Variants in ATAD2B observed in about 807,000 individuals in gnomAD.
ATAD2B encodes ATPase family AAA domain containing 2B.
A neutral mutation model predicts 167.6 loss-of-function variants in ATAD2B; 40 were observed. The ratio of observed to expected loss-of-function variants is 0.24; its 90% CI spans 0.19 to 0.31. The LOEUF (loss-of-function observed/expected upper bound fraction) is 0.31, where lower values mean the gene tolerates loss of function less well. ATAD2B is among the 10% of genes least tolerant of loss of function. ATAD2B has a pLI of 1.00. For synonymous variants in ATAD2B, 579 were observed against 596.5 expected, an observed-to-expected ratio of 0.97 and a Z score of 0.43; for missense variants, 1,242 against 1,757.2, an observed-to-expected ratio of 0.71 and a Z score of 5.24.
At chr2:23,917,543 A>G (rs1203987970) in intron 1 of ATAD2B, among the ~76,000 whole-genome samples, 1 of 152,188 alleles carries the variant, frequency 6.6e-6, no homozygotes, top group Non-Finnish European at 1.5e-5. Flanking sequence ...GAAAGATAGT[A>G]GCACAAGTAT....
chr2:23,856,860 T>TAA (rs564276733), intron 13 of ATAD2B, among the ~76,000 whole-genome samples: 2 of 143,854 alleles, frequency 1.4e-5, no homozygotes, highest in Admixed American at 7.0e-5. Flanking sequence ...ACTCTGACTC[T>TAA]AAAAAAAAAA....
At chr2:23,812,718 C>T (rs1167954876) in intron 17 of ATAD2B, among the ~76,000 whole-genome samples, 2 of 152,004 alleles carry the variant, frequency 1.3e-5, no homozygotes, top group Non-Finnish European at 2.9e-5. Flanking sequence ...AAAAAATTAG[C>T]TGGGCGTGGT....
intron 9 of ATAD2B, among the ~76,000 whole-genome samples, chr2:23,868,743 A>G (rs1188567567): frequency 2.6e-5 from 4 of 152,120 alleles, no homozygotes; most frequent in Non-Finnish European, 5.9e-5. Flanking sequence ...TCTATACTAC[A>G]TTATTTAACA....
chr2:23,914,817 T>C (rs907868032), intron 1 of ATAD2B, among the ~76,000 whole-genome samples: 4 of 146,570 alleles, frequency 2.7e-5, no homozygotes, highest in Admixed American at 2.1e-4. Flanking sequence ...CACTCCAGCC[T>C]GGGCAACAGC....
intron 15 of ATAD2B, among the ~76,000 whole-genome samples, chr2:23,823,894 T>C (rs1329340832): frequency 6.6e-6 from 1 of 152,142 alleles, no homozygotes; most frequent in African/African-American, 2.4e-5. Context: ...CCATGTATTA[T>C]GTGATTAACT....
At chr2:23,896,667 A>G (rs988852475) in intron 1 of ATAD2B, among the ~76,000 whole-genome samples, 4 of 152,218 alleles carry the variant, frequency 2.6e-5, no homozygotes, top group African/African-American at 9.6e-5. Flanking sequence ...GAACATTGGT[A>G]TAATACAGAG....
chr2:23,880,528 AC>A (rs1697720499), intron 7 of ATAD2B, 110 bp downstream of exon 7: 1 of 641,056 alleles, frequency 1.6e-6, no homozygotes, highest in Admixed American at 2.9e-5. Context: ...GCACCACTGC[AC>A]TCCAGCCTGG....
At chr2:23,762,973 T>C (rs1676938698) in intron 23 of ATAD2B, among the ~76,000 whole-genome samples, 2 of 152,222 alleles carry the variant, frequency 1.3e-5, no homozygotes, top group African/African-American at 4.8e-5. Flanking sequence ...TACTATTATA[T>C]AATAATTCTC....
intron 13 of ATAD2B, among the ~76,000 whole-genome samples, chr2:23,847,992 CAAA>C (rs529339468): frequency 6.6e-5 from 6 of 90,800 alleles, no homozygotes; most frequent in Non-Finnish European, 6.8e-5. Flanking sequence ...GACTTCATCC[CAAA>C]AAAAAAAAAA....
intron 1 of ATAD2B, among the ~76,000 whole-genome samples, chr2:23,910,705 T>TA (rs934707941): frequency 1.3e-5 from 2 of 150,696 alleles, no homozygotes; most frequent in African/African-American, 4.9e-5. Context: ...CCTTCTCTGC[T>TA]AAAAATACAA....
Position 23,823,350 on chromosome 2 carries a change from C to A in ATAD2B, c.2039G>T (p.Arg680Ile). The A allele has an allele frequency of 6.2e-7, 1 of 1,613,794 alleles. No individual in the cohort carries two copies. Among genetic ancestry groups the A allele is most frequent in the Non-Finnish European group, 8.5e-7 (1 of 1,179,816 alleles). ...SSGHALSPII[R>I]PLLERSFNNI... is the part of the protein sequence containing the mutation. ...GTTGAAGCTTCTTTCCAGCAGTGGT[C>A]TTATGATGGGGGATAGTGCATGCCC... The change falls in exon 16 of 28, where the codon AGA becomes ATA. Residue 680 changes from arginine to isoleucine, a missense_variant. Arg to Ile is a moderately conservative substitution (Grantham distance 97). Coordinates refer to ENST00000238789, the MANE Select transcript of ATAD2B (RefSeq NM_017552.4).
the ATAD2B span, among the ~76,000 whole-genome samples, chr2:23,741,761 C>A: frequency 6.6e-6 from 1 of 152,144 alleles, no homozygotes; most frequent in African/African-American, 2.4e-5. Flanking sequence ...TCAGAGTGAA[C>A]AGGCAACCTA....
intron 1 of ATAD2B, among the ~76,000 whole-genome samples, chr2:23,900,446 C>A (rs1458914387): frequency 5.9e-5 from 9 of 152,162 alleles, no homozygotes; most frequent in Non-Finnish European, 1.3e-4. Context: ...CATTAAAGGT[C>A]ATCTAACTGA....
intron 12 of ATAD2B, among the ~76,000 whole-genome samples, chr2:23,861,297 C>A (rs1260519040): frequency 6.6e-6 from 1 of 150,480 alleles, no homozygotes; most frequent in African/African-American, 2.4e-5. Flanking sequence ...TCTACCATTG[C>A]ACAAAAAAGG....
At chr2:23,684,534 A>G in the ATAD2B span, 2 of 1,545,170 alleles carry the variant, frequency 1.3e-6, no homozygotes, top group Non-Finnish European at 1.7e-6. The surrounding 1 kb of genome is among the most constrained non-coding windows in gnomAD (Gnocchi z 4.4). Context: ...GACCTGATTC[A>G]AAGGTTTGCC....
chr2:23,798,353 A>T lies in ATAD2B; in HGVS notation c.2455-30T>A, dbSNP rs749559150. 8.6e-6 allele frequency: 13 copies of T among 1,513,652 alleles called. No individual in the cohort carries two copies. In the African/African-American group the frequency reaches 1.5e-4, roughly 18 times the overall value. The allele number at this position is 1,513,652 out of a possible 1,614,324, so 93.8% of individuals were successfully genotyped here. ...TTAAGGAAAAAAACCAACATTAAAC[A>T]ACTCAAATTGATTATTCTAAAGTCT... On this transcript the variant is annotated intron_variant, in intron 18 of 27. Coordinates refer to ENST00000238789, the MANE Select transcript of ATAD2B (RefSeq NM_017552.4).
chr2:23,889,051 TAA>T (rs1558740326), intron 2 of ATAD2B, among the ~76,000 whole-genome samples: 2 of 152,198 alleles, frequency 1.3e-5, no homozygotes, highest in African/African-American at 4.8e-5. Flanking sequence ...TGCTGCATAA[TAA>T]AAGAGTTGTC....
intron 21 of ATAD2B, among the ~76,000 whole-genome samples, chr2:23,784,242 AAATTT>A (rs1680481076): frequency 6.6e-6 from 1 of 152,112 alleles, no homozygotes. Context: ...GCTTAATTTT[AAATTT>A]AACATTTATT....
At chr2:23,821,918 C>T (rs745345435) in intron 16 of ATAD2B, among the ~76,000 whole-genome samples, 17 of 152,054 alleles carry the variant, frequency 1.1e-4, no homozygotes, top group Non-Finnish European at 2.4e-4. Context: ...CCTCCCAAAA[C>T]GCTGGGATTA....
Sources: gnomAD v4.1 joint callset for allele counts (sites outside exome capture counted in the v4.1 genomes callset) on GRCh38, gnomAD v4.1.1 for gene constraint, Gnocchi (gnomAD v3.1) non-coding constraint, MANE v1.5 for transcripts, NCBI Gene and HGNC (gene_info 2026-07-23, HGNC 2026-07-21) for gene names.